Variants in DLGAP1 observed in about 807,000 individuals in gnomAD.
The protein encoded by DLGAP1 is disks large-associated protein 1.
DLGAP1 carries 11 observed loss-of-function variants against 90.8 expected under a neutral mutation model. The ratio of observed to expected loss-of-function variants is 0.12; its 90% CI spans 0.08 to 0.20. The LOEUF is 0.20. DLGAP1 is among the 10% of genes least tolerant of loss of function. The pLI, the probability that DLGAP1 is intolerant of heterozygous loss-of-function variation, is 1.00. For missense variants in DLGAP1, 1,050 were observed against 1,333.8 expected (o/e 0.79, Z 3.31); for synonymous variants, 558 against 540.7 (o/e 1.03, Z -0.44).
At chr18:4,379,513 T>C (rs1396818057) in intron 1 of DLGAP1, among the ~76,000 whole-genome samples, 2 of 152,154 alleles carry the variant, frequency 1.3e-5, no homozygotes, top group African/African-American at 4.8e-5. Flanking sequence ...TTTTCTTGAA[T>C]CACATGAAAA....
chr18:4,052,128 G>T (rs748053336), intron 2 of DLGAP1, among the ~76,000 whole-genome samples: 1 of 152,138 alleles, frequency 6.6e-6, no homozygotes, highest in Non-Finnish European at 1.5e-5. Context: ...TCAAGCTGTT[G>T]GTGGATCCAC....
intron 1 of DLGAP1, among the ~76,000 whole-genome samples, chr18:4,354,940 C>CATCAGA (rs1383090164): frequency 1.1e-5 from 1 of 89,032 alleles, no homozygotes; most frequent in Non-Finnish European, 2.3e-5. Flanking sequence ...TCTACACACA[C>CATCAGA]ATCAGAATGG....
chr18:4,036,305 G>C (rs755273287), intron 2 of DLGAP1, among the ~76,000 whole-genome samples: 2 of 152,152 alleles, frequency 1.3e-5, no homozygotes, highest in Admixed American at 6.5e-5. Context: ...ACAAGGCACT[G>C]CATTTTGAAA....
chr18:4,144,952 T>C (rs1305969312), intron 2 of DLGAP1, among the ~76,000 whole-genome samples: 1 of 152,228 alleles, frequency 6.6e-6, no homozygotes, highest in African/African-American at 2.4e-5. Flanking sequence ...TAATAAACTC[T>C]ATTATACTCT....
intron 3 of DLGAP1, among the ~76,000 whole-genome samples, chr18:3,901,920 T>C (rs187546106): frequency 1.7e-4 from 26 of 152,278 alleles, no homozygotes; most frequent in Admixed American, 1.4e-3. Context: ...GTGTCCGTGG[T>C]ACTCTGAGAT....
At chr18:4,453,295 C>T (rs752855907) in intron 1 of DLGAP1, among the ~76,000 whole-genome samples, 1 of 152,150 alleles carries the variant, frequency 6.6e-6, no homozygotes, top group Non-Finnish European at 1.5e-5. Flanking sequence ...TAAAATCATA[C>T]ATTTTGCATA....
intron 3 of DLGAP1, among the ~76,000 whole-genome samples, chr18:3,956,764 C>T (rs903910521): frequency 6.6e-6 from 1 of 152,172 alleles, no homozygotes; most frequent in Non-Finnish European, 1.5e-5. Context: ...GATCCTTCTA[C>T]CTCAGCCTCC....
intron 5 of DLGAP1, among the ~76,000 whole-genome samples, chr18:3,813,249 A>T (rs2066928756): frequency 6.6e-6 from 1 of 152,168 alleles, no homozygotes; most frequent in South Asian, 2.1e-4. Flanking sequence ...CTATGTTTGG[A>T]TATATTTACA....
rs1250724799 is a variant in DLGAP1, at chr18:3,814,111, C to T, written c.1120G>A (p.Glu374Lys). The T allele has an allele frequency of 1.9e-6, 3 of 1,614,088 alleles. No individual in the cohort carries two copies. The highest frequency in any genetic ancestry group is 2.5e-6 in the Non-Finnish European group (3 of 1,180,010). The change falls in exon 5 of 13, where the codon GAA (glutamate) becomes AAA (lysine). Residue 374 changes from glutamate (E) to lysine (K), a missense_variant. Around this residue, in one of 2 missense-constraint regions of DLGAP1, gnomAD observed 565 missense variants for 879.7 expected, o/e 0.64. Transcript: ENST00000315677. ...KPSPKVAARR[E>K]SYLKATQPSL... Reference sequence around the variant, plus strand: ...GGCTGAGTAGCCTTGAGATAGCTTTCTCTCCGCGCAGCAACTTTTGGAGAA... The same window carrying T: ...GGCTGAGTAGCCTTGAGATAGCTTTTTCTCCGCGCAGCAACTTTTGGAGAA...
intron 3 of DLGAP1, among the ~76,000 whole-genome samples, chr18:3,895,318 CACAT>C: frequency 6.8e-6 from 1 of 147,758 alleles, no homozygotes; most frequent in South Asian, 2.2e-4. Context: ...CACACACACA[CACAT>C]CATCATCATC....
intron 1 of DLGAP1, among the ~76,000 whole-genome samples, chr18:4,442,614 A>T (rs2083562840): frequency 6.6e-6 from 1 of 152,188 alleles, no homozygotes; most frequent in Admixed American, 6.5e-5. Context: ...AAAGAATGAG[A>T]AAGTGGTAAA....
chr18:4,283,190 C>T (rs999822115), intron 1 of DLGAP1, among the ~76,000 whole-genome samples: 2 of 152,114 alleles, frequency 1.3e-5, no homozygotes, highest in East Asian at 1.9e-4. Flanking sequence ...CTATGCAAAT[C>T]GGACCCTATC....
chr18:4,015,637 C>T (rs778504169), intron 2 of DLGAP1, among the ~76,000 whole-genome samples: 2 of 152,080 alleles, frequency 1.3e-5, no homozygotes, highest in Non-Finnish European at 2.9e-5. Context: ...ACACTGGCTA[C>T]GACATATCAG....
At chr18:3,913,331 T>G (rs893242758) in intron 3 of DLGAP1, among the ~76,000 whole-genome samples, 4 of 152,076 alleles carry the variant, frequency 2.6e-5, no homozygotes, top group African/African-American at 9.7e-5. Context: ...CAAGCAATGC[T>G]CCCACCTTGG....
intron 2 of DLGAP1, among the ~76,000 whole-genome samples, chr18:4,011,037 G>A (rs1157328735): frequency 4.6e-5 from 7 of 151,820 alleles, no homozygotes; most frequent in East Asian, 1.9e-4. Flanking sequence ...TTAGCCGGTC[G>A]TGGTAATGTG....
chr18:4,320,621 T>C (rs1436967576), intron 1 of DLGAP1, among the ~76,000 whole-genome samples: 1 of 151,952 alleles, frequency 6.6e-6, no homozygotes, highest in Non-Finnish European at 1.5e-5. Flanking sequence ...AATCAAAAGC[T>C]CTGATTTTAA....
chr18:4,140,299 T>G (rs2076474891), intron 2 of DLGAP1, among the ~76,000 whole-genome samples: 1 of 151,950 alleles, frequency 6.6e-6, no homozygotes, highest in Non-Finnish European at 1.5e-5. Flanking sequence ...TGTTTTGAGG[T>G]TACCATGAGG....
At chr18:3,868,849 A>G (rs911725739) in intron 4 of DLGAP1, among the ~76,000 whole-genome samples, 7 of 152,194 alleles carry the variant, frequency 4.6e-5, no homozygotes, top group Non-Finnish European at 1.0e-4. Flanking sequence ...TTTCTACAAC[A>G]TTAGAAGAAT....
At chr18:3,708,941 T>C (rs12185430) in intron 7 of DLGAP1, among the ~76,000 whole-genome samples, 42,267 of 152,020 alleles carry the variant, frequency 0.28, 6,417 homozygotes, top group South Asian at 0.37. Flanking sequence ...TGAGATGCCT[T>C]ACACCTCTTC....
Sources: gnomAD v4.1 joint callset for allele counts (sites outside exome capture counted in the v4.1 genomes callset) on GRCh38, gnomAD v4.1.1 for gene constraint, gnomAD v4.1.1 regional missense constraint, MANE v1.5 for transcripts, NCBI Gene and HGNC (gene_info 2026-07-23, HGNC 2026-07-21) for gene names.